STARD13: variants seen among roughly 807,000 people sequenced by gnomAD.
STARD13 encodes the protein stAR-related lipid transfer protein 13.
STARD13 carries 62 observed loss-of-function variants against 106.4 expected under a neutral mutation model. That is an observed-to-expected ratio of 0.58 (90% CI 0.48 to 0.72). STARD13 has a LOEUF of 0.72. Among genes scored for constraint, STARD13 ranks in the 30% least tolerant of loss-of-function variants. STARD13 has a pLI of 0.00. For synonymous variants in STARD13, 565 were observed against 553.0 expected, an observed-to-expected ratio of 1.02 and a Z score of -0.31; for missense variants, 1,387 against 1,424.0, an observed-to-expected ratio of 0.97 and a Z score of 0.42.
intron 1 of STARD13, among the ~76,000 whole-genome samples, chr13:33,251,132 A>C (rs1423003717): frequency 6.6e-6 from 1 of 152,240 alleles, no homozygotes; most frequent in Non-Finnish European, 1.5e-5. Context: ...TCTGAGGCTC[A>C]TGTTTTTATT....
intron 3 of STARD13, among the ~76,000 whole-genome samples, chr13:33,164,782 A>C (rs1883129594): frequency 6.6e-6 from 1 of 152,180 alleles, no homozygotes; most frequent in Non-Finnish European, 1.5e-5. Context: ...GTCTCCTTAC[A>C]CTATCTATCA....
chr13:33,650,882 G>A, the STARD13 span, among the ~76,000 whole-genome samples: 1 of 152,224 alleles, frequency 6.6e-6, no homozygotes. Flanking sequence ...ATCCCCTCTG[G>A]GGGAAGGCCT....
At chr13:33,499,502 CTTCTTCTTCTTCT>C in the STARD13 span, among the ~76,000 whole-genome samples, 594 of 57,820 alleles carry the variant, frequency 0.01, 47 homozygotes, top group East Asian at 0.04. Flanking sequence ...TCTCCTTCTT[CTTCTTCTTCTTCT>C]TTCTTTCTTC....
the STARD13 span, among the ~76,000 whole-genome samples, chr13:33,645,323 T>G: frequency 1.3e-5 from 2 of 152,172 alleles, no homozygotes; most frequent in Non-Finnish European, 2.9e-5. Flanking sequence ...ACAGCCAGCA[T>G]CAACTGTCAT....
At chr13:33,574,299 T>A in the STARD13 span, among the ~76,000 whole-genome samples, 1 of 152,186 alleles carries the variant, frequency 6.6e-6, no homozygotes, top group South Asian at 2.1e-4. Flanking sequence ...TTTTAACACA[T>A]GAGAGAACAC....
intron 1 of STARD13, among the ~76,000 whole-genome samples, chr13:33,294,218 T>C (rs1892403272): frequency 6.6e-6 from 1 of 152,334 alleles, no homozygotes; most frequent in Non-Finnish European, 1.5e-5. Flanking sequence ...AACTAAACAG[T>C]ACAGCGGCAC....
At position 33,162,680 on chromosome 13, in the gene STARD13, T is replaced by C. The variant is rs112086600; in HGVS notation, c.323+2657A>G. On this transcript the variant is annotated intron_variant, in intron 3 of 13. Transcript: ENST00000336934. ...AAAACATAACAAGAGTCACCTTTGC[T>C]CCTGTTCCCAAGAAGTTCCTCATGT... is the stretch of plus-strand genomic sequence containing the variant. Among the ~76,000 whole-genome samples, 1,075 of 152,306 alleles carry C rather than the reference T, an allele frequency of 7.1e-3. 5 individuals are homozygous for C. The highest frequency in any genetic ancestry group is 0.023 in the African/African-American group (968 of 41,568).
the STARD13 span, among the ~76,000 whole-genome samples, chr13:33,558,251 C>G: frequency 9.3e-4 from 141 of 152,216 alleles, no homozygotes; most frequent in Middle Eastern, 0.01. Context: ...ACATACCTCT[C>G]TATGCCTCAG....
intron 1 of STARD13, among the ~76,000 whole-genome samples, chr13:33,213,123 C>T (rs914058343): frequency 6.6e-6 from 1 of 152,144 alleles, no homozygotes; most frequent in African/African-American, 2.4e-5. Flanking sequence ...TGAACTGTAA[C>T]AGTAATGCCA....
At chr13:33,356,538 G>A in the STARD13 span, among the ~76,000 whole-genome samples, 14 of 152,168 alleles carry the variant, frequency 9.2e-5, no homozygotes, top group Non-Finnish European at 1.3e-4. Context: ...TACTAGCTGT[G>A]TAATCTCCAT....
the STARD13 span, among the ~76,000 whole-genome samples, chr13:33,609,384 G>A: frequency 1.3e-5 from 2 of 152,036 alleles, no homozygotes; most frequent in Admixed American, 6.6e-5. Context: ...AAGCGGCCAG[G>A]TACCACTTGA....
intron 1 of STARD13, among the ~76,000 whole-genome samples, chr13:33,174,275 C>CAT (rs539606786): frequency 4.4e-4 from 67 of 151,978 alleles, no homozygotes; most frequent in East Asian, 1.3e-3. Flanking sequence ...ATATAATTAA[C>CAT]ATATATATAT....
chr13:33,394,299 G>A, the STARD13 span, among the ~76,000 whole-genome samples: 1 of 151,386 alleles, frequency 6.6e-6, no homozygotes, highest in South Asian at 2.1e-4. Context: ...TGTTCAGTGT[G>A]GTAACCACTG....
the STARD13 span, among the ~76,000 whole-genome samples, chr13:33,445,345 T>C: frequency 8.5e-5 from 13 of 152,206 alleles, no homozygotes; most frequent in Admixed American, 1.3e-4. Flanking sequence ...TCAAACTCAA[T>C]AGGTTATATT....
At chr13:33,469,842 C>A in the STARD13 span, among the ~76,000 whole-genome samples, 1 of 145,602 alleles carries the variant, frequency 6.9e-6, no homozygotes, top group African/African-American at 2.7e-5. Flanking sequence ...AGGGTAGGGA[C>A]AAGGGAAAAG....
the STARD13 span, among the ~76,000 whole-genome samples, chr13:33,489,827 A>G: frequency 1.3e-5 from 2 of 152,188 alleles, no homozygotes; most frequent in African/African-American, 2.4e-5. Flanking sequence ...CATTATTTGC[A>G]TGAAGACTCT....
chr13:33,253,412 A>T (rs758066911), intron 1 of STARD13, among the ~76,000 whole-genome samples: 6 of 152,276 alleles, frequency 3.9e-5, no homozygotes, highest in African/African-American at 7.2e-5. Flanking sequence ...TAATATATGC[A>T]GTACATGCTT....
At chr13:33,482,915 G>A in the STARD13 span, among the ~76,000 whole-genome samples, 1 of 152,224 alleles carries the variant, frequency 6.6e-6, no homozygotes, top group Non-Finnish European at 1.5e-5. Flanking sequence ...AAATTAAGCA[G>A]ATAGGAGAGA....
the STARD13 span, among the ~76,000 whole-genome samples, chr13:33,415,940 A>G: frequency 3.3e-5 from 5 of 152,256 alleles, no homozygotes; most frequent in African/African-American, 1.2e-4. Flanking sequence ...TCTGCTCTTA[A>G]CAGTGCTATA....
Sources: allele counts gnomAD v4.1 joint callset (sites outside exome capture counted in the v4.1 genomes callset), GRCh38; gene constraint gnomAD v4.1.1; transcripts MANE v1.5; gene names NCBI Gene and HGNC (gene_info 2026-07-23, HGNC 2026-07-21).